Variants in COL18A1 observed in about 807,000 individuals in gnomAD.
COL18A1 encodes collagen type XVIII alpha 1 chain, also known as collagen alpha-1(XVIII) chain.
COL18A1 carries 133 observed loss-of-function variants against 168.0 expected under a neutral mutation model. The ratio of observed to expected loss-of-function variants is 0.79; its 90% confidence interval spans 0.69 to 0.91. The LOEUF (loss-of-function observed/expected upper bound fraction) is 0.91, where lower values mean the gene tolerates loss of function less well. Among genes scored for constraint, COL18A1 ranks in the 40% least tolerant of loss-of-function variants. The pLI is 0.00. For missense variants in COL18A1, 2,126 were observed against 1,925.4 expected (o/e 1.10, Z -1.95); for synonymous variants, 949 against 809.0 (o/e 1.17, Z -2.94).
rs770331440 is a variant in COL18A1, at chr21:45,510,116, G to C, written c.3548G>C (p.Arg1183Pro). The change falls in exon 40 of 42, where the codon CGC (arginine) becomes CCC (proline). Residue 1183 changes from arginine to proline, a missense_variant. Physicochemically the swap from Arg to Pro is moderately radical, Grantham distance 103. Coordinates refer to ENST00000651438, the MANE Select transcript of COL18A1 (RefSeq NM_001379500.1). ...CTGTCAGGCGGCATGCGGGGCATCC[G>C]CGGGGCCGACTTCCAGTGCTTCCAG... is the stretch of plus-strand genomic sequence containing the variant. ...SPLSGGMRGI[R>P]GADFQCFQQA... is the part of the protein sequence containing the mutation. 2 of 1,596,764 alleles carry C rather than the reference G, an allele frequency of 1.3e-6. No homozygotes were observed. Among genetic ancestry groups the C allele is most frequent in the Admixed American group, 1.7e-5 (1 of 58,576 alleles).
chr21:45,444,727 T>C (rs907171162), intron 2 of COL18A1, among the ~76,000 whole-genome samples: 1 of 152,174 alleles, frequency 6.6e-6, no homozygotes, highest in African/African-American at 2.4e-5. Context: ...TCGAACATGC[T>C]GGTACTAGGT....
Position 45,499,434 on chromosome 21 carries a change from C to T in COL18A1, c.2683+1773C>T, listed in dbSNP as rs1380452168. The stretch of plus-strand genomic sequence containing the variant: ...CAGGAACAGTGGGGTCAGAGGCTCC[C>T]GCGGGAACCCGTGTGGGCTGCCCCG... On this transcript the variant is annotated intron_variant, in intron 32 of 41. Coordinates refer to ENST00000651438, the MANE Select transcript of COL18A1 (RefSeq NM_001379500.1). 5.4e-4 allele frequency among the ~76,000 whole-genome samples: 81 copies of T among 149,894 alleles called. 1 individual carries two copies. Among genetic ancestry groups the T allele is most frequent in the African/African-American group, 1.8e-3 (73 of 40,070 alleles).
intron 2 of COL18A1, among the ~76,000 whole-genome samples, chr21:45,453,196 CAT>C (rs1289442510): frequency 2.0e-5 from 3 of 152,062 alleles, no homozygotes; most frequent in Non-Finnish European, 4.4e-5. Flanking sequence ...TGCATGTATT[CAT>C]GTGTGACATG....
rs764619601 is a variant in COL18A1, at chr21:45,491,304, C to G, written c.2147C>G (p.Ser716Trp). 1.2e-6 allele frequency: 2 copies of G among 1,611,414 alleles called. No individual in the cohort carries two copies. Among genetic ancestry groups the G allele is most frequent in the Non-Finnish European group, 8.5e-7 (1 of 1,179,058 alleles). ...CCCCCGGGACCTGTGGTCTACGTGTCGGAGCAGGACGTAAGGACGCTGCGT... is the reference window on the plus strand; with the variant it reads ...CCCCCGGGACCTGTGGTCTACGTGTGGGAGCAGGACGTAAGGACGCTGCGT... ...PGPPGPVVYVSEQDGSVLSVP... is the reference protein window; with the variant it reads ...PGPPGPVVYVWEQDGSVLSVP... Residue 716 changes from serine to tryptophan, a missense_variant, in exon 22 of 42, where the codon TCG becomes TGG. By Grantham distance (177) the Ser-to-Trp change is radical. Transcript: ENST00000651438.
At chr21:45,496,051 G>A in intron 29 of COL18A1, 1 of 361,200 alleles carries the variant, frequency 2.8e-6, no homozygotes, top group Non-Finnish European at 5.4e-6. Flanking sequence ...ATTCTCAGCA[G>A]GGCATCCATG....
intron 26 of COL18A1, chr21:45,493,927 C>A: frequency 3.0e-6 from 1 of 333,370 alleles, no homozygotes; most frequent in Non-Finnish European, 5.6e-6. Context: ...TTTCTGGCTG[C>A]CCCTCCAGCC....
chr21:45,487,732 A>G, intron 17 of COL18A1: 2 of 680,030 alleles, frequency 2.9e-6, no homozygotes, highest in Non-Finnish European at 5.4e-6. Flanking sequence ...TGGTCTGCAA[A>G]GTGGGAGACA....
rs372552105 is a variant in COL18A1, at chr21:45,496,509, G to A, written c.2518G>A (p.Gly840Ser). 1.9e-5 allele frequency: 28 copies of A among 1,461,294 alleles called. No homozygotes were observed. The highest frequency in any genetic ancestry group is 8.3e-5 in the African/African-American group (6 of 72,148). The allele number at this position is 1,461,294 out of a possible 1,614,324, so 90.5% of individuals were successfully genotyped here. A position where few individuals can be genotyped will look rare whatever the true frequency, so the allele number is the denominator to read the frequency against. ...SLGFGMRGMP[G>S]PPGPPGPPGP... is the part of the protein sequence containing the mutation. ...TCTGCCCTCCCCACAGGGAATGCCC[G>A]GCCCCCCAGGACCTCCAGGGCCCCC... Residue 840 changes from glycine to serine, a missense_variant, in exon 30 of 42, where the codon GGC (glycine) becomes AGC (serine). Physicochemically the swap from Gly to Ser is moderately conservative, Grantham distance 56 (BLOSUM62 0). Transcript: ENST00000651438.
chr21:45,492,147 G>A (rs1568923910), intron 22 of COL18A1, among the ~76,000 whole-genome samples: 2 of 152,216 alleles, frequency 1.3e-5, no homozygotes. Context: ...CTAGGAGCAG[G>A]CAGACAGGCA....
chr21:45,487,598 G>C (rs761257510), intron 17 of COL18A1, 89 bp downstream of exon 17: 1 of 1,550,248 alleles, frequency 6.5e-7, no homozygotes, highest in South Asian at 1.1e-5. Context: ...CACCGGCCTT[G>C]CATGGGATCG....
intron 2 of COL18A1, among the ~76,000 whole-genome samples, chr21:45,431,026 T>A (rs2033944462): frequency 6.6e-6 from 1 of 152,240 alleles, no homozygotes; most frequent in Non-Finnish European, 1.5e-5. Context: ...CGAGCAGGAC[T>A]GTTCTCAGGC....
At chr21:45,490,412 T>A in intron 20 of COL18A1, 66 bp downstream of exon 20, 1 of 1,241,424 alleles carries the variant, frequency 8.1e-7, no homozygotes, top group East Asian at 2.8e-5. Context: ...TATGCTAAGA[T>A]GAAAGCTGGC....
At chr21:45,448,947 C>T (rs2145834373) in intron 2 of COL18A1, among the ~76,000 whole-genome samples, 1 of 152,308 alleles carries the variant, frequency 6.6e-6, no homozygotes, top group East Asian at 1.9e-4. Flanking sequence ...CTGGACTCAC[C>T]CACCTGCCTG....
Position 45,429,681 on chromosome 21 carries a change from C to T in COL18A1, c.106+24208C>T, listed in dbSNP as rs368738236. 8.1e-4 allele frequency among the ~76,000 whole-genome samples: 123 copies of T among 152,288 alleles called. 3 individuals carry two copies. In the East Asian group the frequency reaches 0.021, roughly 26 times the overall value. On this transcript the variant is annotated intron_variant, in intron 2 of 41. Coordinates refer to ENST00000651438, the MANE Select transcript of COL18A1 (RefSeq NM_001379500.1). ...GACGGTGGAGCTGGGAGCCTGACTG[C>T]GGGTGACGGACAGGCTCTGGCAGCC...
intron 38 of COL18A1, 31 bp from the exon 39 acceptor site, chr21:45,509,325 C>G: frequency 6.5e-7 from 1 of 1,539,298 alleles, no homozygotes; most frequent in African/African-American, 1.4e-5. Flanking sequence ...AGGGTCCCCC[C>G]GCCGACAGGC....
At chr21:45,495,326 C>A in intron 28 of COL18A1, 32 bp from the exon 29 acceptor site, 1 of 1,569,782 alleles carries the variant, frequency 6.4e-7, no homozygotes, top group Non-Finnish European at 8.7e-7. Flanking sequence ...CATCAGTGCC[C>A]AGCAGTCCCC....
Position 45,437,786 on chromosome 21 carries a change from TCACA to T in COL18A1, c.107-30451_107-30448del, listed in dbSNP as rs773352171. On this transcript the variant is annotated intron_variant, in intron 2 of 41. Coordinates refer to ENST00000651438, the MANE Select transcript of COL18A1 (RefSeq NM_001379500.1). ...CTCTCCTGCACACACACACACTCAC[TCACA>T]CACAGACACACAGGCACTCTCCTGC... Among the ~76,000 whole-genome samples the T allele has an allele frequency of 2.5e-4, 5 of 20,136 alleles. 1 individual carries two copies. The South Asian group carries it at 4.2e-3, about 17-fold the overall frequency. The allele number at this position is 20,136 out of a possible 152,430, so 13.2% of individuals were successfully genotyped here. A position where few individuals can be genotyped will look rare whatever the true frequency, so the allele number is the denominator to read the frequency against.
rs527920085 is a variant in COL18A1 at position 45,471,444 on chromosome 21, T to G, written c.652-2451T>G. Reference sequence around the variant, plus strand: ...TTTTTGGCAGAAACAAGCACAGAGCTTTGGGAGCAGGGAGGAAACCGAGGC... The same window carrying G: ...TTTTTGGCAGAAACAAGCACAGAGCGTTGGGAGCAGGGAGGAAACCGAGGC... On this transcript the variant is annotated intron_variant, in intron 3 of 41. Transcript: ENST00000651438. This position sits in a 1 kb window ranked among gnomAD's most constrained non-coding sequence, Gnocchi z 4.4. Among the ~76,000 whole-genome samples the G allele has an allele frequency of 1.3e-5, 2 of 152,284 alleles. No individual in the cohort carries two copies. Among genetic ancestry groups the G allele is most frequent in the South Asian group, 2.1e-4 (1 of 4,824 alleles).
intron 14 of COL18A1, 66 bp from the exon 15 acceptor site, chr21:45,482,729 T>C (rs2035944294): frequency 2.5e-6 from 4 of 1,613,158 alleles, no homozygotes; most frequent in East Asian, 2.2e-5. Context: ...GGCAGGGCGA[T>C]GTGCCTTCCT....
Sources: gnomAD v4.1 joint callset for allele counts (sites outside exome capture counted in the v4.1 genomes callset) on GRCh38, gnomAD v4.1.1 for gene constraint, Gnocchi (gnomAD v3.1) non-coding constraint, MANE v1.5 for transcripts, NCBI Gene and HGNC (gene_info 2026-07-23, HGNC 2026-07-21) for gene names.